Variants in ZNF880 observed in about 807,000 individuals in gnomAD.
ZNF880 encodes the protein zinc finger protein LOC400713.
Under a neutral mutation model 11.8 loss-of-function variants are expected in ZNF880, and 12 were observed. That is an observed-to-expected ratio of 1.02 (90% CI 0.65 to 1.65). ZNF880 has a LOEUF of 1.65. Ranked by LOEUF, ZNF880 falls within the 40% of genes most tolerant of loss-of-function variation. ZNF880 has a pLI of 0.00. For missense variants in ZNF880, 601 were observed against 673.9 expected, an observed-to-expected ratio of 0.89 and a Z score of 1.20; for synonymous variants, 210 against 232.4, an observed-to-expected ratio of 0.90 and a Z score of 0.88.
intron 3 of ZNF880, chr19:52,379,299 T>A: frequency 2.8e-6 from 1 of 360,192 alleles, no homozygotes; most frequent in Non-Finnish European, 5.4e-6. Flanking sequence ...ATGGGTAGTA[T>A]AAATATTTCT....
chr19:52,373,975 T>C (rs1486022345), intron 2 of ZNF880, among the ~76,000 whole-genome samples: 1 of 152,080 alleles, frequency 6.6e-6, no homozygotes, highest in Non-Finnish European at 1.5e-5. Context: ...GGCGAAATAC[T>C]ATTCTTGATT....
chr19:52,392,292 TTCTC>T, the ZNF880 span, among the ~76,000 whole-genome samples: 3 of 151,302 alleles, frequency 2.0e-5, no homozygotes, highest in Non-Finnish European at 3.0e-5. Context: ...CTTCCTCCCT[TTCTC>T]TCTCTCTTTC....
Position 52,384,232 on chromosome 19 carries a change from G to A in ZNF880, c.652G>A (p.Asp218Asn), listed in dbSNP as rs201416528. The A allele has an allele frequency of 1.3e-5, 21 of 1,612,768 alleles. No homozygotes were observed. In the African/African-American group the frequency reaches 2.7e-4, roughly 20 times the overall value. The change falls in exon 4 of 4, where the codon GAC becomes AAC. Residue 218 changes from aspartate (D) to asparagine (N), a missense_variant. Physicochemically the swap from Asp to Asn is conservative, Grantham distance 23 (BLOSUM62 1). Coordinates refer to ENST00000422689, the MANE Select transcript of ZNF880 (RefSeq NM_001145434.2). ...TAACCCTTACAAATGTAATGAATGTGACAAGGTCTTCAGTAACAGTTCAAA... is the reference window on the plus strand; with the variant it reads ...TAACCCTTACAAATGTAATGAATGTAACAAGGTCTTCAGTAACAGTTCAAA... Reference protein sequence around the residue: ...ADNPYKCNECDKVFSNSSNLV... With the variant: ...ADNPYKCNECNKVFSNSSNLV...
At chr19:52,383,421 T>TACA (rs1280850001) in intron 3 of ZNF880, among the ~76,000 whole-genome samples, 1 of 124,584 alleles carries the variant, frequency 8.0e-6, no homozygotes, top group African/African-American at 2.9e-5. Context: ...GTAAGCGTTG[T>TACA]GCAGGATACC....
At position 52,385,552 on chromosome 19, in the gene ZNF880, A is replaced by G; in HGVS notation, c.*238A>G. On this transcript the variant is annotated 3_prime_UTR_variant, in exon 4 of 4. Transcript: ENST00000422689. Reference sequence around the variant, plus strand: ...ATACATCTTGGATGAAACCATACAGATGGATTATGTATGCTGAGGCTATTA... The same window carrying G: ...ATACATCTTGGATGAAACCATACAGGTGGATTATGTATGCTGAGGCTATTA... 2.0e-6 allele frequency: 1 copy of G among 494,782 alleles called. No individual in the cohort carries two copies. 30.6% of individuals were successfully genotyped at this position (494,782 alleles called of 1,614,324 possible).
rs142974612 is a variant in ZNF880 at position 52,384,473 on chromosome 19, G to A, written c.893G>A (p.Cys298Tyr). 17 of 1,614,042 alleles carry A rather than the reference G, an allele frequency of 1.1e-5. No individual in the cohort carries two copies. The highest frequency in any genetic ancestry group is 2.7e-5 in the African/African-American group (2 of 74,900). ...CACACTGGAGAGAAACCTTACAAAT[G>A]TAATGAGTGTGGCAAGGTCTTCAAC... Reference protein sequence around the residue: ...RIHTGEKPYKCNECGKVFNRN... With the variant: ...RIHTGEKPYKYNECGKVFNRN... The change falls in exon 4 of 4, where the codon TGT becomes TAT. Residue 298 changes from cysteine to tyrosine, a missense_variant. Cys to Tyr is a radical substitution (Grantham distance 194). Coordinates refer to ENST00000422689, the MANE Select transcript of ZNF880 (RefSeq NM_001145434.2).
Position 52,384,261 on chromosome 19 carries a change from T to G in ZNF880, c.681T>G (p.Leu227=), listed in dbSNP as rs1294002058. Residue 227 remains leucine (L), a synonymous_variant, in exon 4 of 4, where the codon CTT becomes CTG. Coordinates refer to ENST00000422689, the MANE Select transcript of ZNF880 (RefSeq NM_001145434.2). ...AGGTCTTCAGTAACAGTTCAAACCT[T>G]GTACAACATCAAAGAATTCATACTG... The part of the protein sequence containing the change: ...CDKVFSNSSN[L]VQHQRIHTGE... 1 of 1,613,440 alleles carries G rather than the reference T, an allele frequency of 6.2e-7. No individual in the cohort carries two copies. Among genetic ancestry groups the G allele is most frequent in the Non-Finnish European group, 8.5e-7 (1 of 1,179,694 alleles).
At chr19:52,392,808 G>A in the ZNF880 span, 1 of 213,156 alleles carries the variant, frequency 4.7e-6, no homozygotes, top group East Asian at 1.2e-4. Context: ...CAGATGGGCA[G>A]AGTGGAAGCT....
chr19:52,385,345 T>A lies in ZNF880; in HGVS notation c.*31T>A. The A allele has an allele frequency of 6.5e-7, 1 of 1,543,526 alleles. No homozygotes were observed. The highest frequency in any genetic ancestry group is 8.8e-7 in the Non-Finnish European group (1 of 1,140,802). On this transcript the variant is annotated 3_prime_UTR_variant, in exon 4 of 4. Transcript: ENST00000422689. ...GTGTGGTAAGATCTTTAGTAATAAT[T>A]CACACCTTGCACAGCATGAGATAAT...
At chr19:52,375,190 T>C (rs1009991560) in intron 3 of ZNF880, among the ~76,000 whole-genome samples, 1 of 151,358 alleles carries the variant, frequency 6.6e-6, no homozygotes, top group African/African-American at 2.4e-5. Context: ...TTTATTTTTA[T>C]TAATTTATTT....
At chr19:52,369,851 G>A (rs149444534), upstream of ZNF880, 7,419 of 1,369,728 alleles carry the variant, frequency 5.4e-3, 32 homozygotes, top group Non-Finnish European at 6.8e-3. Context: ...CTGGGAGCGA[G>A]GCGGAGGGAA....
the ZNF880 span, among the ~76,000 whole-genome samples, chr19:52,393,985 C>T: frequency 1.1e-4 from 16 of 151,140 alleles, no homozygotes; most frequent in Non-Finnish European, 2.1e-4. Context: ...TACAGGCACC[C>T]GCCACCACAC....
upstream of ZNF880, chr19:52,369,826 C>A (rs1986302368): frequency 1.8e-6 from 2 of 1,110,620 alleles, no homozygotes; most frequent in African/African-American, 1.6e-5. Context: ...GGTCTAGCCT[C>A]CAAAACGAGA....
At chr19:52,394,135 G>A in the ZNF880 span, among the ~76,000 whole-genome samples, 39 of 151,844 alleles carry the variant, frequency 2.6e-4, no homozygotes, top group Admixed American at 1.7e-3. Context: ...CACTGCACCC[G>A]GCCTCTTTGA....
chr19:52,387,606 G>A (rs372650803), downstream of ZNF880, among the ~76,000 whole-genome samples: 217 of 141,838 alleles, frequency 1.5e-3, 21 homozygotes, highest in South Asian at 0.03. Context: ...ACGCTGCCAC[G>A]CCCAGCTAAT....
upstream of ZNF880, among the ~76,000 whole-genome samples, chr19:52,369,214 T>G (rs1331453638): frequency 7.3e-5 from 11 of 150,908 alleles, no homozygotes; most frequent in South Asian, 1.3e-3. Context: ...TACAAAAAAG[T>G]AGCCCGGTGT....
rs117848301 is a variant in ZNF880 at position 52,375,960 on chromosome 19, G to A, written c.268+1533G>A. 1.2e-3 allele frequency among the ~76,000 whole-genome samples: 187 copies of A among 152,276 alleles called. 3 individuals are homozygous for A. The East Asian group carries it at 0.019, about 16-fold the overall frequency. The stretch of plus-strand genomic sequence containing the variant: ...AGTGAGTTAGTTCATTTAGAATAAT[G>A]GCCTTCAATTCTATCCAGGTTGCTG... On this transcript the variant is annotated intron_variant, in intron 3 of 3. Coordinates refer to ENST00000422689, the MANE Select transcript of ZNF880 (RefSeq NM_001145434.2).
chr19:52,368,214 AAAAT>A (rs1437122140), upstream of ZNF880, among the ~76,000 whole-genome samples: 82 of 61,920 alleles, frequency 1.3e-3, 1 homozygote, highest in African/African-American at 0.011. Flanking sequence ...CAAAAAAAAA[AAAAT>A]AATAATAATA....
intron 3 of ZNF880, among the ~76,000 whole-genome samples, chr19:52,376,548 C>T (rs1211860422): frequency 2.0e-4 from 24 of 117,086 alleles, no homozygotes; most frequent in South Asian, 1.9e-3. Flanking sequence ...CTTGCTCTGT[C>T]GCCCAGGCTG....
Sources: allele counts gnomAD v4.1 joint callset (sites outside exome capture counted in the v4.1 genomes callset), GRCh38; gene constraint gnomAD v4.1.1; transcripts MANE v1.5; gene names NCBI Gene and HGNC (gene_info 2026-07-23, HGNC 2026-07-21).